The following OPCML variants were observed in gnomAD, a reference collection of about 807,000 sequenced individuals.
OPCML encodes the protein opioid binding protein/cell adhesion molecule like, also known as opioid-binding protein/cell adhesion molecule.
Under a neutral mutation model 37.8 loss-of-function variants are expected in OPCML, and 13 were observed. The observed-to-expected ratio is 0.34, with a 90% CI of 0.22 to 0.55. OPCML has a LOEUF of 0.55. OPCML is among the 20% of genes least tolerant of loss of function. The pLI, the probability that OPCML is intolerant of heterozygous loss-of-function variation, is 0.91. For missense variants in OPCML, 341 were observed against 435.6 expected (o/e 0.78, Z 1.93); for synonymous variants, 176 against 168.8 (o/e 1.04, Z -0.33).
chr11:132,928,135 G>A (rs1945063778), intron 2 of OPCML, among the ~76,000 whole-genome samples: 1 of 151,950 alleles, frequency 6.6e-6, no homozygotes, highest in South Asian at 2.1e-4. Flanking sequence ...CTTTATCAGT[G>A]ATTACTTTAA....
chr11:133,246,640 C>T (rs1940936007), intron 1 of OPCML, among the ~76,000 whole-genome samples: 1 of 152,188 alleles, frequency 6.6e-6, no homozygotes, highest in Non-Finnish European at 1.5e-5. Flanking sequence ...GGGGCAAACT[C>T]AAGCTCAATG....
intron 4 of OPCML, among the ~76,000 whole-genome samples, chr11:132,492,186 C>T (rs1025809993): frequency 2.6e-5 from 4 of 151,862 alleles, no homozygotes; most frequent in African/African-American, 9.7e-5. Flanking sequence ...TTTTGAGACC[C>T]ATGGTAAAGA....
chr11:132,995,050 T>C (rs1424792421), intron 1 of OPCML, among the ~76,000 whole-genome samples: 1 of 152,162 alleles, frequency 6.6e-6, no homozygotes, highest in Non-Finnish European at 1.5e-5. Flanking sequence ...ATCACTTTCC[T>C]CTCTACCAGG....
At chr11:132,717,554 T>A (rs1944536380) in intron 2 of OPCML, among the ~76,000 whole-genome samples, 2 of 152,174 alleles carry the variant, frequency 1.3e-5, no homozygotes, top group East Asian at 3.9e-4. Flanking sequence ...CTCTGGGTGG[T>A]GGGATTATTA....
intron 1 of OPCML, among the ~76,000 whole-genome samples, chr11:133,267,433 T>C (rs1941694533): frequency 6.6e-6 from 1 of 152,180 alleles, no homozygotes; most frequent in Non-Finnish European, 1.5e-5. Context: ...GACAATCAAA[T>C]CCTCCTTGCA....
At chr11:132,882,311 C>A (rs1367736550) in intron 2 of OPCML, among the ~76,000 whole-genome samples, 1 of 152,136 alleles carries the variant, frequency 6.6e-6, no homozygotes, top group East Asian at 1.9e-4. Flanking sequence ...ATTACAAAAT[C>A]AAATCCAGTA....
chr11:133,511,630 G>A (rs142940396), intron 1 of OPCML, among the ~76,000 whole-genome samples: 2 of 151,434 alleles, frequency 1.3e-5, no homozygotes, highest in Admixed American at 1.3e-4. Flanking sequence ...CTTCAGTGAG[G>A]TCTGGCCAGA....
rs1434272422 is a variant in OPCML at position 132,943,208 on chromosome 11, A to G, written c.62-198T>C. 1 of 1,500,354 alleles carries G rather than the reference A, an allele frequency of 6.7e-7. No homozygotes were observed. Among genetic ancestry groups the G allele is most frequent in the Non-Finnish European group, 9.1e-7 (1 of 1,100,760 alleles). 92.9% of individuals were successfully genotyped at this position (1,500,354 alleles called of 1,614,324 possible). A position where few individuals can be genotyped will look rare whatever the true frequency, so the allele number is the denominator to read the frequency against. On this transcript the variant is annotated intron_variant, in intron 1 of 7. Transcript: ENST00000524381. This position sits in a 1 kb window ranked among gnomAD's most constrained non-coding sequence, Gnocchi z 4.3. ...GAGGAGGGAAGGGGCAGAGTTCGCC[A>G]GGAGCAGGGGGAAGGAGAAGAGAGG...
chr11:133,347,768 A>G (rs556543162), intron 1 of OPCML, among the ~76,000 whole-genome samples: 145 of 152,312 alleles, frequency 9.5e-4, no homozygotes, highest in African/African-American at 3.3e-3. Flanking sequence ...ATGGAGCTAG[A>G]GTTGTGTATC....
intron 1 of OPCML, chr11:133,422,480 G>A: frequency 1.0e-6 from 1 of 982,676 alleles, no homozygotes; most frequent in Non-Finnish European, 1.2e-6. Flanking sequence ...ACCCATGTTA[G>A]CTTAGCGTCT....
chr11:133,014,220 C>T (rs547835297), intron 1 of OPCML, among the ~76,000 whole-genome samples: 3 of 152,126 alleles, frequency 2.0e-5, no homozygotes, highest in Middle Eastern at 3.4e-3. Flanking sequence ...CTTGAAGATG[C>T]TATGTAAGTT....
chr11:133,214,897 C>T (rs561241404), intron 1 of OPCML, among the ~76,000 whole-genome samples: 1 of 152,210 alleles, frequency 6.6e-6, no homozygotes, highest in African/African-American at 2.4e-5. Context: ...AGCTATATAG[C>T]CAGCAAATGA....
intron 1 of OPCML, among the ~76,000 whole-genome samples, chr11:133,506,454 C>T (rs1948033127): frequency 6.6e-6 from 1 of 152,176 alleles, no homozygotes; most frequent in Non-Finnish European, 1.5e-5. Context: ...CACTAATCCC[C>T]AAAAGCTTCC....
chr11:133,184,669 T>C (rs182334806), intron 1 of OPCML, among the ~76,000 whole-genome samples: 48 of 152,314 alleles, frequency 3.2e-4, no homozygotes, highest in Non-Finnish European at 6.3e-4. Flanking sequence ...CGGGGAAGTC[T>C]ACTTCCGTTC....
intron 1 of OPCML, among the ~76,000 whole-genome samples, chr11:133,523,730 A>T (rs1264889566): frequency 2.6e-5 from 4 of 152,142 alleles, no homozygotes; most frequent in African/African-American, 9.7e-5. Flanking sequence ...TTCTTCCTCT[A>T]CACTCCAGTC....
At chr11:133,281,546 A>G (rs1185956292) in intron 1 of OPCML, among the ~76,000 whole-genome samples, 1 of 152,058 alleles carries the variant, frequency 6.6e-6, no homozygotes, top group Non-Finnish European at 1.5e-5. Flanking sequence ...GTATTCCTTT[A>G]CAGAGATGCA....
chr11:133,488,235 T>C (rs1036151600), intron 1 of OPCML, among the ~76,000 whole-genome samples: 1 of 152,094 alleles, frequency 6.6e-6, no homozygotes, highest in Non-Finnish European at 1.5e-5. Context: ...ATCATTTCTA[T>C]TCTCCATAGT....
intron 1 of OPCML, chr11:133,419,231 A>G: frequency 1.0e-6 from 1 of 985,280 alleles, no homozygotes; most frequent in Non-Finnish European, 1.2e-6. Flanking sequence ...AGGTAATTAC[A>G]GTCATAGTTG....
intron 1 of OPCML, among the ~76,000 whole-genome samples, chr11:133,399,272 G>A (rs181535795): frequency 1.5e-4 from 23 of 152,248 alleles, no homozygotes; most frequent in African/African-American, 4.6e-4. Flanking sequence ...TTGATGACGC[G>A]TGGTGGCTTT....
Sources: gnomAD v4.1 joint callset for allele counts (sites outside exome capture counted in the v4.1 genomes callset) on GRCh38, gnomAD v4.1.1 for gene constraint, Gnocchi (gnomAD v3.1) non-coding constraint, MANE v1.5 for transcripts, NCBI Gene and HGNC (gene_info 2026-07-23, HGNC 2026-07-21) for gene names.